FCRLA: variants seen among roughly 807,000 people sequenced by gnomAD.
FCRLA encodes Fc receptor-like A.
FCRLA carries 26 observed loss-of-function variants against 28.4 expected under a neutral mutation model. The observed-to-expected ratio is 0.91, with a 90% CI of 0.67 to 1.27. The LOEUF (loss-of-function observed/expected upper bound fraction) is 1.27, where lower values mean the gene tolerates loss of function less well. Ranked by LOEUF, FCRLA falls within the 50% of genes most tolerant of loss-of-function variation. FCRLA has a pLI of 0.00. For missense variants in FCRLA, 422 were observed against 433.1 expected (o/e 0.97, Z 0.23); for synonymous variants, 174 against 168.5 (o/e 1.03, Z -0.25).
chr1:161,712,090 G>T lies in FCRLA; in HGVS notation c.656G>T (p.Arg219Met). 6.2e-7 allele frequency: 1 copy of T among 1,614,202 alleles called. No individual in the cohort carries two copies. The highest frequency in any genetic ancestry group is 8.5e-7 in the Non-Finnish European group (1 of 1,180,026). Residue 219 changes from arginine (R) to methionine (M), a missense_variant, in exon 4 of 5, where the codon AGG (arginine) becomes ATG (methionine). By Grantham distance (91) the Arg-to-Met change is moderately conservative. This residue lies in a region of FCRLA where 185 missense variants were observed against 198.1 expected (regional missense o/e 0.93). Transcript: ENST00000236938. The part of the protein sequence containing the change: ...FYKDGRIVQS[R>M]GLSSEFQIPT... The stretch of plus-strand genomic sequence containing the variant: ...AAGGATGGAAGGATAGTGCAAAGCA[G>T]GGGGCTCTCCTCAGAATTCCAGATC...
In FCRLA at chr1:161,711,719, G is replaced by C. The variant is rs1031661464; in HGVS notation, c.500-215G>C. ...ATGCTTCCTAGTGCTCACTGATTGG[G>C]TGTCTGGACAACTATCAGATTTGCC... On this transcript the variant is annotated intron_variant, in intron 3 of 4. Coordinates refer to ENST00000236938, the MANE Select transcript of FCRLA (RefSeq NM_032738.4). 5.4e-6 allele frequency: 4 copies of C among 745,606 alleles called. No homozygotes were observed. In the African/African-American group the frequency reaches 7.0e-5, roughly 13 times the overall value. 46.2% of individuals were successfully genotyped at this position (745,606 alleles called of 1,614,324 possible).
In FCRLA at chr1:161,711,307, C is replaced by T; in HGVS notation, c.332C>T (p.Thr111Ile). 1 of 1,614,226 alleles carries T rather than the reference C, an allele frequency of 6.2e-7. No individual in the cohort carries two copies. ...AWQDWPLTQV[T>I]FYRDGSALGP... Reference sequence around the variant, plus strand: ...CAAGACTGGCCACTGACTCAGGTGACCTTCTACCGAGATGGCTCAGCTCTG... The same window carrying T: ...CAAGACTGGCCACTGACTCAGGTGATCTTCTACCGAGATGGCTCAGCTCTG... The change falls in exon 3 of 5, where the codon ACC (threonine) becomes ATC (isoleucine). Residue 111 changes from threonine (T) to isoleucine (I), a missense_variant. Physicochemically the swap from Thr to Ile is moderately conservative, Grantham distance 89. Transcript: ENST00000236938.
chr1:161,713,643 T>C lies in FCRLA; in HGVS notation c.*263T>C, dbSNP rs1216682853. 1.8e-5 allele frequency: 6 copies of C among 342,826 alleles called. No individual in the cohort carries two copies. The East Asian group carries it at 1.8e-4, about 10-fold the overall frequency. 21.2% of individuals were successfully genotyped at this position (342,826 alleles called of 1,614,324 possible). A position where few individuals can be genotyped will look rare whatever the true frequency, so the allele number is the denominator to read the frequency against. On this transcript the variant is annotated 3_prime_UTR_variant, in exon 5 of 5. Coordinates refer to ENST00000236938, the MANE Select transcript of FCRLA (RefSeq NM_032738.4). ...ATCTGTTATATCGACCAGAATGTTG[T>C]GATTTAAAGAGAACTAATGGAAGTG...
chr1:161,710,734 T>C (rs759781425), intron 1 of FCRLA, 26 bp from the exon 2 acceptor site: 6 of 1,614,090 alleles, frequency 3.7e-6, no homozygotes, highest in Non-Finnish European at 5.1e-6. Context: ...CATTTTCTGG[T>C]TCTCCCTGGG....
chr1:161,713,014 T>C, intron 4 of FCRLA, 71 bp from the exon 5 acceptor site: 4 of 1,509,302 alleles, frequency 2.7e-6, no homozygotes, highest in South Asian at 2.6e-5. Context: ...CAAGAAAGAT[T>C]GGCCAGGGAT....
At position 161,714,027 on chromosome 1, in the gene FCRLA, A is replaced by G. The variant is rs914088225; in HGVS notation, c.*647A>G. ...GACATACCAGTCTTTAGCTGGTGCTATGGTCTGTTCTTTAGTTCTAGTTTG... is the reference window on the plus strand; with the variant it reads ...GACATACCAGTCTTTAGCTGGTGCTGTGGTCTGTTCTTTAGTTCTAGTTTG... On this transcript the variant is annotated 3_prime_UTR_variant, in exon 5 of 5. Transcript: ENST00000236938. 2 of 152,310 alleles carry G rather than the reference A, an allele frequency of 1.3e-5. No individual in the cohort carries two copies. Among genetic ancestry groups the G allele is most frequent in the African/African-American group, 4.8e-5 (2 of 41,414 alleles). The allele number at this position is 152,310 out of a possible 1,614,324, so 9.4% of individuals were successfully genotyped here. A position where few individuals can be genotyped will look rare whatever the true frequency, so the allele number is the denominator to read the frequency against.
At chr1:161,712,832 G>A (rs1335256896) in intron 4 of FCRLA, among the ~76,000 whole-genome samples, 1 of 152,196 alleles carries the variant, frequency 6.6e-6, no homozygotes, top group Non-Finnish European at 1.5e-5. Context: ...ATTAGATTCA[G>A]CCTTGATAGA....
chr1:161,707,815 T>C (rs1486553480), intron 1 of FCRLA, among the ~76,000 whole-genome samples: 1 of 152,162 alleles, frequency 6.6e-6, no homozygotes, highest in South Asian at 2.1e-4. Flanking sequence ...TACTCCTTCT[T>C]GCATTCTCTA....
At chr1:161,711,011 G>T in intron 2 of FCRLA, 99 bp downstream of exon 2, 1 of 1,514,210 alleles carries the variant, frequency 6.6e-7, no homozygotes. Flanking sequence ...TATGGGATGA[G>T]GTACTTCCTT....
At position 161,712,165 on chromosome 1, in the gene FCRLA, C is replaced by A. The variant is rs1457871660; in HGVS notation, c.731C>A (p.Thr244Asn). 3 of 1,614,188 alleles carry A rather than the reference C, an allele frequency of 1.9e-6. No individual in the cohort carries two copies. In the Admixed American group the frequency reaches 5.0e-5, roughly 27 times the overall value. The change falls in exon 4 of 5, where the codon ACT (threonine) becomes AAT (asparagine). Residue 244 changes from threonine (T) to asparagine (N), a missense_variant. Coordinates refer to ENST00000236938, the MANE Select transcript of FCRLA (RefSeq NM_032738.4). ...GGGTCATACTGGTGTGAGGCAGCCA[C>A]TGAGGACAACCAAGTTTGGAAACAG... ...HSGSYWCEAA[T>N]EDNQVWKQSP...
chr1:161,712,503 T>C (rs896629169), intron 4 of FCRLA, among the ~76,000 whole-genome samples: 1 of 152,098 alleles, frequency 6.6e-6, no homozygotes, highest in African/African-American at 2.4e-5. Flanking sequence ...CTCTGGGCAT[T>C]TATAGGAATT....
intron 3 of FCRLA, 81 bp from the exon 4 acceptor site, chr1:161,711,853 C>T (rs1683116541): frequency 1.4e-6 from 2 of 1,468,120 alleles, no homozygotes; most frequent in African/African-American, 2.8e-5. Flanking sequence ...GGAAGTATGA[C>T]TCCCCAAGTC....
At chr1:161,710,311 C>T (rs2101655070) in intron 1 of FCRLA, 1 of 648,288 alleles carries the variant, frequency 1.5e-6, no homozygotes, top group Non-Finnish European at 2.8e-6. Context: ...AGGATAAAGT[C>T]ACCTACCTGG....
In FCRLA at chr1:161,710,746, CA is replaced by C; in HGVS notation, c.80-13del. ...CATCATTTTCTGGTTCTCCCTGGGC[CA>C]TGCCCTCTTCAGCTGCCAGTTTTGA... On this transcript the variant is annotated splice_polypyrimidine_tract_variant and intron_variant, in intron 1 of 4. Transcript: ENST00000236938. The C allele has an allele frequency of 6.2e-7, 1 of 1,614,170 alleles. No individual in the cohort carries two copies. Among genetic ancestry groups the C allele is most frequent in the South Asian group, 1.1e-5 (1 of 91,070 alleles).
At chr1:161,708,324 C>A (rs1349208301) in intron 1 of FCRLA, among the ~76,000 whole-genome samples, 2 of 152,156 alleles carry the variant, frequency 1.3e-5, no homozygotes, top group Admixed American at 6.5e-5. Flanking sequence ...GCCAATTTTA[C>A]CTTCTAAATT....
At position 161,711,888 on chromosome 1, in the gene FCRLA, T is replaced by C. The variant is rs754118782; in HGVS notation, c.500-46T>C. On this transcript the variant is annotated intron_variant, in intron 3 of 4. Transcript: ENST00000236938. ...CTCTTCACCTGCATGTGTCTACCTG[T>C]ATATAAGATGGCTGAGCTCTTCTTT... The C allele has an allele frequency of 5.1e-6, 8 of 1,563,284 alleles. No individual in the cohort carries two copies. The South Asian group carries it at 9.8e-5, about 19-fold the overall frequency.
At position 161,713,418 on chromosome 1, in the gene FCRLA, C is replaced by G; in HGVS notation, c.*38C>G. Reference sequence around the variant, plus strand: ...CATCCATGATCTCACTTAACCACCCCAATAAATCTGATTCTTTATTTTCTC... The same window carrying G: ...CATCCATGATCTCACTTAACCACCCGAATAAATCTGATTCTTTATTTTCTC... On this transcript the variant is annotated 3_prime_UTR_variant, in exon 5 of 5. Coordinates refer to ENST00000236938, the MANE Select transcript of FCRLA (RefSeq NM_032738.4). The G allele has an allele frequency of 6.6e-7, 1 of 1,504,482 alleles. No individual in the cohort carries two copies. Among genetic ancestry groups the G allele is most frequent in the East Asian group, 2.3e-5 (1 of 44,090 alleles). The allele number at this position is 1,504,482 out of a possible 1,614,324, so 93.2% of individuals were successfully genotyped here.
At chr1:161,708,029 G>A (rs564533834) in intron 1 of FCRLA, among the ~76,000 whole-genome samples, 2 of 152,172 alleles carry the variant, frequency 1.3e-5, no homozygotes, top group East Asian at 3.9e-4. Flanking sequence ...GTATTTAAGA[G>A]TCCCAAATCA....
intron 2 of FCRLA, 73 bp from the exon 3 acceptor site, chr1:161,711,135 G>C (rs1027796878): frequency 2.6e-6 from 4 of 1,543,656 alleles, no homozygotes; most frequent in Non-Finnish European, 3.5e-6. Flanking sequence ...GAAAGTTTAG[G>C]GGAGTAGGCA....
Sources: allele counts gnomAD v4.1 joint callset (sites outside exome capture counted in the v4.1 genomes callset), GRCh38; gene constraint gnomAD v4.1.1; regional missense constraint gnomAD v4.1.1; transcripts MANE v1.5; gene names NCBI Gene and HGNC (gene_info 2026-07-23, HGNC 2026-07-21).